Variants in GASK1A observed in about 807,000 individuals in gnomAD.
GASK1A encodes the protein golgi associated kinase 1A, also known as Golgi-associated kinase 1A.
Under a neutral mutation model 41.2 loss-of-function variants are expected in GASK1A, and 40 were observed. The observed-to-expected ratio is 0.97, with a 90% confidence interval of 0.75 to 1.27. The LOEUF is 1.27. Among genes scored for constraint, GASK1A ranks in the 50% most tolerant of loss-of-function variants. The pLI is 0.00. For synonymous variants in GASK1A, 316 were observed against 307.1 expected (o/e 1.03, Z -0.30); for missense variants, 678 against 745.1 (o/e 0.91, Z 1.05).
rs2089584840 is a variant in GASK1A at position 43,032,884 on chromosome 3, GAACAGAGCCTT to G, written c.622_632del (p.Asn208AspfsTer23). ...AAGGCAGGGATCTGCTGGGAGCTGA[GAACAGAGCCTT>G]GACTGGTGGGCAACAAGCAGAGGAT... On this transcript the variant is annotated frameshift_variant, in exon 2 of 5. Transcript: ENST00000430121. LOFTEE classifies it high-confidence loss of function. 2 of 1,550,678 alleles carry G rather than the reference GAACAGAGCCTT, an allele frequency of 1.3e-6. No homozygotes were observed. Among genetic ancestry groups the G allele is most frequent in the African/African-American group, 2.7e-5 (2 of 73,058 alleles).
Position 43,019,337 on chromosome 3 carries a change from G to A in GASK1A, c.4-12930G>A, listed in dbSNP as rs117284625. On this transcript the variant is annotated intron_variant, in intron 1 of 4. Transcript: ENST00000430121. ...TATTCTGCCCACAGTGGAGCAAACA[G>A]CCCAGCCTCTCAGGACCCAGCATAT... Among the ~76,000 whole-genome samples the A allele has an allele frequency of 8.5e-4, 130 of 152,276 alleles. 2 individuals are homozygous for A. The East Asian group carries it at 0.023, about 26-fold the overall frequency.
At chr3:43,052,037 G>T (rs2089693709) in intron 2 of GASK1A, among the ~76,000 whole-genome samples, 2 of 152,138 alleles carry the variant, frequency 1.3e-5, no homozygotes, top group African/African-American at 4.8e-5. Flanking sequence ...ACCAGTCATT[G>T]TCCTGACTGG....
At chr3:43,004,019 G>A (rs181404262) in intron 1 of GASK1A, among the ~76,000 whole-genome samples, 14 of 151,526 alleles carry the variant, frequency 9.2e-5, no homozygotes, top group Admixed American at 2.6e-4. Flanking sequence ...GATCTATGAG[G>A]GTGTCGTTGT....
At chr3:42,986,005 A>G (rs1295272674) in intron 1 of GASK1A, among the ~76,000 whole-genome samples, 1 of 152,234 alleles carries the variant, frequency 6.6e-6, no homozygotes, top group Non-Finnish European at 1.5e-5. Context: ...GAATGAAAAC[A>G]TATGTCTACA....
Position 43,032,756 on chromosome 3 carries a change from A to T in GASK1A, c.493A>T (p.Ser165Cys). 6.4e-7 allele frequency: 1 copy of T among 1,551,264 alleles called. No individual in the cohort carries two copies. Among genetic ancestry groups the T allele is most frequent in the African/African-American group, 1.4e-5 (1 of 73,166 alleles). Reference sequence around the variant, plus strand: ...TGGCAGTCCCATCCAGGAGACACAGAGTGAGGTGGTCACCCTGGTCAGTCC... The same window carrying T: ...TGGCAGTCCCATCCAGGAGACACAGTGTGAGGTGGTCACCCTGGTCAGTCC... The part of the protein sequence containing the change: ...QHGSPIQETQ[S>C]EVVTLVSPLP... Residue 165 changes from serine (S) to cysteine (C), a missense_variant, in exon 2 of 5, where the codon AGT (serine) becomes TGT (cysteine). Transcript: ENST00000430121.
At chr3:42,993,571 T>G (rs868274773) in intron 1 of GASK1A, among the ~76,000 whole-genome samples, 2 of 152,206 alleles carry the variant, frequency 1.3e-5, no homozygotes, top group Non-Finnish European at 1.5e-5. Context: ...GAGAAGGATC[T>G]TCAGCTTCAC....
At chr3:43,022,800 A>G (rs2089528809) in intron 1 of GASK1A, among the ~76,000 whole-genome samples, 1 of 152,232 alleles carries the variant, frequency 6.6e-6, no homozygotes, top group African/African-American at 2.4e-5. Flanking sequence ...AGCTGCATGT[A>G]TTGGATGTTC....
chr3:43,056,273 G>A lies in GASK1A; in HGVS notation c.1615G>A (p.Gly539Ser), dbSNP rs3732858. ...GGACCCAGTGTTCTGGGAAAGCCAA[G>A]GCGGAGCCCAGGGGCTGAAGCAGGT... is the stretch of plus-strand genomic sequence containing the variant. Reference protein sequence around the residue: ...QMDPVFWESQGGAQGLKQVLQ... With the variant: ...QMDPVFWESQSGAQGLKQVLQ... The change falls in exon 5 of 5, where the codon GGC becomes AGC. Residue 539 changes from glycine to serine, a missense_variant. Physicochemically the swap from Gly to Ser is moderately conservative, Grantham distance 56 (BLOSUM62 0). Coordinates refer to ENST00000430121, the MANE Select transcript of GASK1A (RefSeq NM_001129908.3). 270,072 of 1,551,580 alleles carry A rather than the reference G, an allele frequency of 0.17. 25,929 individuals carry two copies. The highest frequency in any genetic ancestry group is 0.35 in the South Asian group (29,725 of 84,050).
chr3:43,056,578 G>A lies in GASK1A; in HGVS notation c.*192G>A, dbSNP rs1398296774. The A allele has an allele frequency of 9.3e-6, 5 of 536,620 alleles. No individual in the cohort carries two copies. The highest frequency in any genetic ancestry group is 1.3e-5 in the Non-Finnish European group (4 of 301,168). 33.2% of individuals were successfully genotyped at this position (536,620 alleles called of 1,614,324 possible). On this transcript the variant is annotated 3_prime_UTR_variant, in exon 5 of 5. Coordinates refer to ENST00000430121, the MANE Select transcript of GASK1A (RefSeq NM_001129908.3). ...TCAAAGCGTCCCTTTCTGCCTTCTC[G>A]GCTCTGGCTATTTATTCCCTTGCAC... is the stretch of plus-strand genomic sequence containing the variant.
At chr3:43,023,194 A>G (rs569250081) in intron 1 of GASK1A, among the ~76,000 whole-genome samples, 2 of 152,166 alleles carry the variant, frequency 1.3e-5, no homozygotes, top group South Asian at 4.1e-4. Flanking sequence ...ATTTGACACA[A>G]ACAAAAGAGG....
At chr3:42,995,313 G>A (rs758871311) in intron 1 of GASK1A, among the ~76,000 whole-genome samples, 1 of 152,214 alleles carries the variant, frequency 6.6e-6, no homozygotes, top group African/African-American at 2.4e-5. Context: ...GGAGTAGTGA[G>A]GCCTGTGGTG....
chr3:43,030,214 C>T (rs150879898), intron 1 of GASK1A, among the ~76,000 whole-genome samples: 1 of 152,318 alleles, frequency 6.6e-6, no homozygotes, highest in East Asian at 1.9e-4. Context: ...GCCATGTTGG[C>T]CAGGTTCGTC....
intron 1 of GASK1A, among the ~76,000 whole-genome samples, chr3:42,985,701 A>C (rs2089305726): frequency 6.6e-6 from 1 of 151,792 alleles, no homozygotes; most frequent in African/African-American, 2.4e-5. Flanking sequence ...GAAAGGATAG[A>C]CCCAACCTGA....
rs34122767 is a variant in GASK1A at position 43,003,492 on chromosome 3, CAAA to C, written c.3+23864_3+23866del. 1.6e-3 allele frequency among the ~76,000 whole-genome samples: 150 copies of C among 95,482 alleles called. 3 individuals carry two copies. In the East Asian group the frequency reaches 0.045, roughly 28 times the overall value. The allele number at this position is 95,482 out of a possible 152,430, so 62.6% of individuals were successfully genotyped here. A position where few individuals can be genotyped will look rare whatever the true frequency, so the allele number is the denominator to read the frequency against. On this transcript the variant is annotated intron_variant, in intron 1 of 4. Transcript: ENST00000430121. ...CCTGGGTGACAGGGTGAGACTGTCT[CAAA>C]AAAAAAAAAAAAAAAAGAATAGATG... is the stretch of plus-strand genomic sequence containing the variant.
chr3:42,979,761 C>G (rs1308608333), intron 1 of GASK1A, 116 bp downstream of exon 1: 1 of 1,076,808 alleles, frequency 9.3e-7, no homozygotes, highest in Non-Finnish European at 1.2e-6. Context: ...CTCCCGAGGC[C>G]GGAGTTGTTC....
chr3:43,049,110 T>G (rs1452196102), intron 2 of GASK1A, among the ~76,000 whole-genome samples: 1 of 152,072 alleles, frequency 6.6e-6, no homozygotes, highest in Non-Finnish European at 1.5e-5. Context: ...GTGTGCAGGG[T>G]ACTTGGATTG....
intron 1 of GASK1A, among the ~76,000 whole-genome samples, 156 bp downstream of exon 1, chr3:42,979,801 T>C (rs1247099941): frequency 6.6e-6 from 1 of 152,088 alleles, no homozygotes; most frequent in Non-Finnish European, 1.5e-5. Context: ...GGCGGCGGCT[T>C]TCATTTCTGC....
intron 2 of GASK1A, among the ~76,000 whole-genome samples, chr3:43,051,312 TG>T (rs1235910313): frequency 6.6e-6 from 1 of 152,244 alleles, no homozygotes; most frequent in Non-Finnish European, 1.5e-5. Flanking sequence ...GATCAGCTGA[TG>T]ATTGAGCAGG....
chr3:43,034,095 G>A (rs954515765), intron 2 of GASK1A, among the ~76,000 whole-genome samples: 1 of 152,200 alleles, frequency 6.6e-6, no homozygotes, highest in Non-Finnish European at 1.5e-5. Flanking sequence ...AGAGCTGATT[G>A]TTGAACATTT....
Sources: gnomAD v4.1 joint callset for allele counts (sites outside exome capture counted in the v4.1 genomes callset) on GRCh38, gnomAD v4.1.1 for gene constraint, MANE v1.5 for transcripts, NCBI Gene and HGNC (gene_info 2026-07-23, HGNC 2026-07-21) for gene names.